Variants in UGGT2 observed in about 807,000 individuals in gnomAD.
The protein encoded by UGGT2 is UDP-glucose:glycoprotein glucosyltransferase 2.
In UGGT2, 180 loss-of-function variants were observed where a neutral mutation model predicts 192.1. The observed-to-expected ratio is 0.94, with a 90% CI of 0.83 to 1.06. The LOEUF (loss-of-function observed/expected upper bound fraction) is 1.06, where lower values mean the gene tolerates loss of function less well. Among genes scored for constraint, UGGT2 ranks in the 50% least tolerant of loss-of-function variants. The probability of loss-of-function intolerance (pLI) is 0.00; values close to 1 mark genes in which losing one functional copy is unlikely to be tolerated. For synonymous variants in UGGT2, 580 were observed against 591.0 expected (o/e 0.98, Z 0.27); for missense variants, 1,849 against 1,795.7 (o/e 1.03, Z -0.54).
chr13:95,980,000 G>T lies in UGGT2; in HGVS notation c.1092+3804C>A, dbSNP rs539911628. ...TTTAAAAAACCAAAAAGTAACAGAT[G>T]TTGGCACGGATGTGGTGAAAAGGGA... On this transcript the variant is annotated intron_variant, in intron 10 of 38. Transcript: ENST00000376747. 9.2e-5 allele frequency among the ~76,000 whole-genome samples: 14 copies of T among 152,252 alleles called. No individual in the cohort carries two copies. In the South Asian group the frequency reaches 2.5e-3, roughly 27 times the overall value.
chr13:96,053,186 A>C lies in UGGT2; in HGVS notation c.127T>G (p.Trp43Gly), dbSNP rs1408480821. 1.3e-6 allele frequency: 2 copies of C among 1,521,848 alleles called. No individual in the cohort carries two copies. Among genetic ancestry groups the C allele is most frequent in the East Asian group, 5.1e-5 (2 of 39,034 alleles). 94.3% of individuals were successfully genotyped at this position (1,521,848 alleles called of 1,614,324 possible). A position where few individuals can be genotyped will look rare whatever the true frequency, so the allele number is the denominator to read the frequency against. ...TCCAGCAGCAGCGGGGTCTCGGGCCACTTCGCGGCCAAGTGGGCAGTCACC... is the reference window on the plus strand; with the variant it reads ...TCCAGCAGCAGCGGGGTCTCGGGCCCCTTCGCGGCCAAGTGGGCAGTCACC... ...KSVTAHLAAK[W>G]PETPLLLEAS... Residue 43 changes from tryptophan (W) to glycine (G), a missense_variant, in exon 1 of 39, where the codon TGG becomes GGG. Transcript: ENST00000376747.
intron 36 of UGGT2, among the ~76,000 whole-genome samples, chr13:95,844,960 C>T (rs1190048820): frequency 6.6e-6 from 1 of 152,054 alleles, no homozygotes; most frequent in Non-Finnish European, 1.5e-5. Flanking sequence ...TGAGGAAGTT[C>T]CCTTCCGGTT....
At chr13:96,040,735 G>A (rs1342628349) in intron 1 of UGGT2, among the ~76,000 whole-genome samples, 6 of 152,136 alleles carry the variant, frequency 3.9e-5, no homozygotes, top group East Asian at 1.9e-4. Flanking sequence ...ATAAGTTGGG[G>A]ACAATTTGTA....
intron 20 of UGGT2, among the ~76,000 whole-genome samples, chr13:95,913,659 C>G (rs1208833020): frequency 6.6e-6 from 1 of 152,304 alleles, no homozygotes; most frequent in Non-Finnish European, 1.5e-5. Flanking sequence ...TTAGTTCAAC[C>G]TTTGTGGAAG....
intron 12 of UGGT2, 125 bp from the exon 13 acceptor site, chr13:95,949,579 G>C: frequency 2.1e-6 from 2 of 959,986 alleles, no homozygotes; most frequent in Non-Finnish European, 2.8e-6. Flanking sequence ...TGATTAAATA[G>C]AGGAGCTAGT....
intron 22 of UGGT2, among the ~76,000 whole-genome samples, chr13:95,896,197 G>C (rs1385027050): frequency 6.6e-6 from 1 of 151,954 alleles, no homozygotes; most frequent in Non-Finnish European, 1.5e-5. Context: ...GCTGTAGCCA[G>C]ATTTTCTCAC....
chr13:95,927,812 G>A (rs1021508979), intron 17 of UGGT2, among the ~76,000 whole-genome samples: 5 of 152,102 alleles, frequency 3.3e-5, no homozygotes, highest in Admixed American at 6.5e-5. Context: ...GGGCCCTGCC[G>A]CCTTCCGCAG....
intron 20 of UGGT2, among the ~76,000 whole-genome samples, chr13:95,914,822 C>CA (rs916823221): frequency 6.6e-6 from 1 of 151,466 alleles, no homozygotes; most frequent in African/African-American, 2.4e-5. Flanking sequence ...AACAAAAGAA[C>CA]AAAAAACCCC....
intron 30 of UGGT2, among the ~76,000 whole-genome samples, chr13:95,866,615 C>A (rs1890682279): frequency 6.6e-6 from 1 of 152,112 alleles, no homozygotes; most frequent in Non-Finnish European, 1.5e-5. Flanking sequence ...TCATCCTTAG[C>A]CTGAAAATAG....
rs1181036919 is a variant in UGGT2 at position 95,897,620 on chromosome 13, T to C, written c.2635-2316A>G. On this transcript the variant is annotated intron_variant, in intron 22 of 38. Transcript: ENST00000376747. ...TATTTCAAGCATTAAACTATCTGAT[T>C]CCAAATTTTTATAACATCTGCCACA... is the stretch of plus-strand genomic sequence containing the variant. Among the ~76,000 whole-genome samples, 3 of 152,300 alleles carry C rather than the reference T, an allele frequency of 2.0e-5. No homozygotes were observed. The East Asian group carries it at 5.8e-4, about 29-fold the overall frequency.
intron 5 of UGGT2, among the ~76,000 whole-genome samples, chr13:96,001,052 A>C (rs1268857445): frequency 6.6e-6 from 1 of 152,226 alleles, no homozygotes; most frequent in Non-Finnish European, 1.5e-5. Flanking sequence ...CCAGATAGTT[A>C]ATATGATTTC....
At chr13:96,039,794 C>T (rs1346993309) in intron 1 of UGGT2, among the ~76,000 whole-genome samples, 8 of 152,186 alleles carry the variant, frequency 5.3e-5, no homozygotes, top group Non-Finnish European at 8.8e-5. Context: ...ACCAAGTCAG[C>T]CGGTATTGTA....
intron 30 of UGGT2, 86 bp from the exon 31 acceptor site, chr13:95,863,800 T>C: frequency 9.6e-7 from 1 of 1,040,036 alleles, no homozygotes; most frequent in African/African-American, 1.6e-5. Flanking sequence ...TTGGGCGAGA[T>C]TACCCATAGA....
Position 95,942,221 on chromosome 13 carries a change from G to GGGGT in UGGT2, c.1678-2131_1678-2130insACCC, listed in dbSNP as rs1285651365. 4.4e-3 allele frequency among the ~76,000 whole-genome samples: 520 copies of GGGGT among 118,078 alleles called. 12 individuals carry two copies. Among genetic ancestry groups the GGGGT allele is most frequent in the Middle Eastern group, 0.03 (7 of 234 alleles). The allele number at this position is 118,078 out of a possible 152,430, so 77.5% of individuals were successfully genotyped here. On this transcript the variant is annotated intron_variant, in intron 15 of 38. Coordinates refer to ENST00000376747, the MANE Select transcript of UGGT2 (RefSeq NM_020121.4). ...GTACAAGAGCTTCTCTTAGGGTGAG[G>GGGGT]GTGTGTGTGTGTGTGTGTGTGTGTG...
rs554677709 is a variant in UGGT2, at chr13:95,911,995, A to G, written c.2296-8935T>C. On this transcript the variant is annotated intron_variant, in intron 20 of 38. Coordinates refer to ENST00000376747, the MANE Select transcript of UGGT2 (RefSeq NM_020121.4). ...AATCAACAACAAAAACCACATGATT[A>G]TCTCAATAGATGCAGAAAAGGCCTT... 1.3e-4 allele frequency among the ~76,000 whole-genome samples: 20 copies of G among 152,202 alleles called. No individual in the cohort carries two copies. In the South Asian group the frequency reaches 3.9e-3, roughly 30 times the overall value.
intron 38 of UGGT2, among the ~76,000 whole-genome samples, chr13:95,821,299 G>A (rs1318220932): frequency 6.6e-6 from 1 of 152,116 alleles, no homozygotes; most frequent in Non-Finnish European, 1.5e-5. Context: ...GAGTAAGGTG[G>A]TATCTCATTG....
chr13:95,905,496 G>C (rs899765132), intron 20 of UGGT2, among the ~76,000 whole-genome samples: 1 of 151,510 alleles, frequency 6.6e-6, no homozygotes, highest in African/African-American at 2.4e-5. Flanking sequence ...AAGGGATCCA[G>C]TTTCAGCTTT....
intron 5 of UGGT2, among the ~76,000 whole-genome samples, chr13:96,011,400 C>T (rs1447324866): frequency 6.6e-6 from 1 of 151,836 alleles, no homozygotes; most frequent in Admixed American, 6.6e-5. Flanking sequence ...AAAAAGTTCA[C>T]CAAAAAGAAA....
At position 95,944,309 on chromosome 13, in the gene UGGT2, A is replaced by T. The variant is rs547478981; in HGVS notation, c.1677+2728T>A. On this transcript the variant is annotated intron_variant, in intron 15 of 38. Coordinates refer to ENST00000376747, the MANE Select transcript of UGGT2 (RefSeq NM_020121.4). ...TTCTATTCTCTAAAAGATATTTTAA[A>T]GACTGAAATTATTATTTCTTCAAAC... Among the ~76,000 whole-genome samples the T allele has an allele frequency of 8.1e-4, 123 of 152,226 alleles. 1 individual carries two copies. The highest frequency in any genetic ancestry group is 2.8e-3 in the African/African-American group (118 of 41,582).
Sources: gnomAD v4.1 joint callset for allele counts (sites outside exome capture counted in the v4.1 genomes callset) on GRCh38, gnomAD v4.1.1 for gene constraint, MANE v1.5 for transcripts, NCBI Gene and HGNC (gene_info 2026-07-23, HGNC 2026-07-21) for gene names.